Variants in PPEF1 observed in about 807,000 individuals in gnomAD.
The protein encoded by PPEF1 is protein phosphatase with EF-hand domain 1.
A neutral mutation model predicts 53.3 loss-of-function variants in PPEF1; 12 were observed. That is an observed-to-expected ratio of 0.23 (90% CI 0.14 to 0.36). The LOEUF is 0.36. Among genes scored for constraint, PPEF1 ranks in the 10% least tolerant of loss-of-function variants. The pLI is 1.00. For synonymous variants in PPEF1, 165 were observed against 176.7 expected (o/e 0.93, Z 0.52); for missense variants, 334 against 490.4 (o/e 0.68, Z 3.01).
chrX:18,780,892 A>G (rs981925344), intron 7 of PPEF1, among the ~76,000 whole-genome samples: 8 of 109,409 alleles, frequency 7.3e-5, no homozygotes, highest in Non-Finnish European at 1.5e-4. Context: ...GTCTCTACTA[A>G]AAAATACAAA....
upstream of PPEF1, among the ~76,000 whole-genome samples, chrX:18,675,545 C>G (rs776672430): frequency 7.1e-5 from 8 of 112,855 alleles, no homozygotes; most frequent in African/African-American, 1.9e-4. Context: ...CGAGGACAGG[C>G]CTAGGGGGTG....
At chrX:18,703,221 T>A (rs1370948709), upstream of PPEF1, among the ~76,000 whole-genome samples, 2 of 111,291 alleles carry the variant, frequency 1.8e-5, no homozygotes, top group Non-Finnish European at 3.8e-5. Flanking sequence ...AGCTCATATT[T>A]TGGTGAGAAT....
At chrX:18,755,542 G>A (rs901899622) in intron 4 of PPEF1, among the ~76,000 whole-genome samples, 1 of 111,758 alleles carries the variant, frequency 8.9e-6, no homozygotes, top group Non-Finnish European at 1.9e-5. Flanking sequence ...ACTCCAGCCT[G>A]GGCGACAGAG....
chrX:18,774,308 C>G (rs1296793087), intron 6 of PPEF1, among the ~76,000 whole-genome samples: 1 of 111,940 alleles, frequency 8.9e-6, no homozygotes, highest in African/African-American at 3.2e-5. Context: ...AGGCTGGTCT[C>G]GAACTCCCAA....
At chrX:18,762,487 G>T (rs144799328) in intron 6 of PPEF1, among the ~76,000 whole-genome samples, 3 of 111,982 alleles carry the variant, frequency 2.7e-5, no homozygotes, top group Non-Finnish European at 3.8e-5. Context: ...GCACAAGAAA[G>T]AATTCAGGGT....
rs750194064 is a variant in PPEF1, at chrX:18,776,098, T to G, written c.559-2912T>G. Among the ~76,000 whole-genome samples, 3 of 112,087 alleles carry G rather than the reference T, an allele frequency of 2.7e-5. No individual in the cohort carries two copies. In the South Asian group the frequency reaches 1.1e-3, roughly 42 times the overall value. ...TTCAGACCTGGACATCCCAACAGAG[T>G]CTATAGCCTTCAACAGTCCTCAGGT... On this transcript the variant is annotated intron_variant, in intron 6 of 15. Transcript: ENST00000470157.
At chrX:18,692,699 T>A (rs1340989185) in intron 4 of PPEF1, among the ~76,000 whole-genome samples, 1 of 111,816 alleles carries the variant, frequency 8.9e-6, no homozygotes, top group East Asian at 2.8e-4. Context: ...TTCATCACCA[T>A]CTGATCCCCA....
At position 18,676,836 on chromosome X, in the gene PPEF1, A is replaced by G. The variant is rs139122226; in HGVS notation, c.-587+706A>G. Among the ~76,000 whole-genome samples, 650 of 110,976 alleles carry G rather than the reference A, an allele frequency of 5.9e-3. 4 individuals carry two copies. Among genetic ancestry groups the G allele is most frequent in the African/African-American group, 0.02 (614 of 30,474 alleles). ...AAAGGTATGTTTGCCAAGTTCCCAC[A>G]CTTAACCTCTGTGCAGAAAAGAAGC... is the stretch of plus-strand genomic sequence containing the variant. On this transcript the variant is annotated intron_variant, in intron 1 of 20. Transcript: ENST00000689646.
upstream of PPEF1, chrX:18,675,792 C>T: frequency 8.9e-6 from 1 of 111,736 alleles, no homozygotes; most frequent in Non-Finnish European, 1.9e-5. Flanking sequence ...GCTTGCAGGA[C>T]TGTAGTCTGG....
chrX:18,813,605 A>C, intron 12 of PPEF1, among the ~76,000 whole-genome samples: 1 of 110,871 alleles, frequency 9.0e-6, no homozygotes, highest in Non-Finnish European at 1.9e-5. Flanking sequence ...GTTGAATAAA[A>C]CTGGTGAGGG....
At chrX:18,698,938 G>A (rs757292373) in intron 5 of PPEF1, among the ~76,000 whole-genome samples, 1 of 112,002 alleles carries the variant, frequency 8.9e-6, no homozygotes, top group South Asian at 3.7e-4. Context: ...AAGACAGAGT[G>A]ACTAATTCCC....
chrX:18,784,118 A>T, intron 9 of PPEF1, 70 bp downstream of exon 9: 1 of 940,617 alleles, frequency 1.1e-6, no homozygotes, highest in South Asian at 3.4e-5. Context: ...TTCATTTATT[A>T]TTTTGAATTG....
At chrX:18,788,961 ATGAG>A (rs1231186060) in intron 9 of PPEF1, among the ~76,000 whole-genome samples, 156 bp from the exon 10 acceptor site, 1 of 112,854 alleles carries the variant, frequency 8.9e-6, no homozygotes, top group Admixed American at 9.4e-5. Flanking sequence ...ACATCAGTGG[ATGAG>A]TGAGATATAG....
upstream of PPEF1, among the ~76,000 whole-genome samples, chrX:18,704,916 A>G (rs984802139): frequency 4.5e-5 from 5 of 111,614 alleles, no homozygotes; most frequent in Non-Finnish European, 7.5e-5. Context: ...CTCATATGCA[A>G]CGAAGTATGA....
chrX:18,745,263 G>C (rs2045306959), intron 3 of PPEF1, among the ~76,000 whole-genome samples: 1 of 100,005 alleles, frequency 1.0e-5, no homozygotes, highest in African/African-American at 3.7e-5. Context: ...ACCCAGACTA[G>C]AGCACAGTAA....
chrX:18,711,552 G>A (rs1004654858), intron 1 of PPEF1, among the ~76,000 whole-genome samples: 2 of 111,622 alleles, frequency 1.8e-5, no homozygotes, highest in Non-Finnish European at 3.8e-5. Flanking sequence ...GTGTGAGGTA[G>A]GAGTACAAAT....
Position 18,721,451 on chromosome X carries a change from T to G in PPEF1, c.47-8730T>G, listed in dbSNP as rs190229757. Among the ~76,000 whole-genome samples, 278 of 111,885 alleles carry G rather than the reference T, an allele frequency of 2.5e-3. 1 individual carries two copies. The highest frequency in any genetic ancestry group is 8.6e-3 in the African/African-American group (265 of 30,858). ...ACATCATATCGTGCCCTTGGATGGT[T>G]ATTTTCAGCTTTTCTATGTACAGTG... On this transcript the variant is annotated intron_variant, in intron 1 of 15. Coordinates refer to ENST00000470157, the MANE Select transcript of PPEF1 (RefSeq NM_001377996.1).
intron 13 of PPEF1, among the ~76,000 whole-genome samples, chrX:18,820,953 G>T (rs1277883234): frequency 9.1e-6 from 1 of 110,276 alleles, no homozygotes; most frequent in African/African-American, 3.3e-5. Context: ...GCCAGACGTG[G>T]TGGCTCATGC....
chrX:18,685,684 CAAAAAAA>C (rs1212907646), intron 2 of PPEF1, among the ~76,000 whole-genome samples: 1 of 28,752 alleles, frequency 3.5e-5, no homozygotes, highest in Non-Finnish European at 6.6e-5. Context: ...GACTCCATCT[CAAAAAAA>C]AAAAAAAAAA....
Sources: gnomAD v4.1 joint callset for allele counts (sites outside exome capture counted in the v4.1 genomes callset) on GRCh38, gnomAD v4.1.1 for gene constraint, MANE v1.5 for transcripts, NCBI Gene and HGNC (gene_info 2026-07-23, HGNC 2026-07-21) for gene names.